The following RBM33 variants were observed in gnomAD, a reference collection of about 807,000 sequenced individuals.
The protein encoded by RBM33 is RNA binding motif protein 33.
Under a neutral mutation model 132.6 loss-of-function variants are expected in RBM33, and 28 were observed. The ratio of observed to expected loss-of-function variants is 0.21; its 90% CI spans 0.16 to 0.29. The LOEUF (loss-of-function observed/expected upper bound fraction) is 0.29. Among genes scored for constraint, RBM33 ranks in the 10% least tolerant of loss-of-function variants. The probability of loss-of-function intolerance (pLI) is 1.00; values close to 1 mark genes in which losing one functional copy is unlikely to be tolerated. For synonymous variants in RBM33, 634 were observed against 593.0 expected (o/e 1.07, Z -1.01); for missense variants, 1,291 against 1,518.5 (o/e 0.85, Z 2.49).
chr7:155,725,921 A>G (rs561605870), intron 9 of RBM33, among the ~76,000 whole-genome samples: 6 of 152,204 alleles, frequency 3.9e-5, no homozygotes, highest in Non-Finnish European at 8.8e-5. Context: ...GAAGGTGAAT[A>G]TAGGTATTTA....
In RBM33 at chr7:155,659,637, C is replaced by T. The variant is rs150764023; in HGVS notation, c.44-5538C>T. Reference sequence around the variant, plus strand: ...TACTTATATACACATAGGAGACCCACGAGAGCAAGAAATTGACAGAAAAAA... The same window carrying T: ...TACTTATATACACATAGGAGACCCATGAGAGCAAGAAATTGACAGAAAAAA... On this transcript the variant is annotated intron_variant, in intron 1 of 17. Coordinates refer to ENST00000401878, the MANE Select transcript of RBM33 (RefSeq NM_053043.3). Among the ~76,000 whole-genome samples, 11 of 152,002 alleles carry T rather than the reference C, an allele frequency of 7.2e-5. No homozygotes were observed. In the East Asian group the frequency reaches 7.7e-4, roughly 11 times the overall value.
At chr7:155,645,100 T>C (rs2116854409) in intron 1 of RBM33, 181 bp downstream of exon 1, 1 of 515,532 alleles carries the variant, frequency 1.9e-6, no homozygotes, top group South Asian at 2.5e-5. Flanking sequence ...CCTTTCTCGC[T>C]CCTCCTCTCC....
Position 155,774,742 on chromosome 7 carries a change from C to T in RBM33, c.3464+95C>T, listed in dbSNP as rs966759131. 2 of 1,040,664 alleles carry T rather than the reference C, an allele frequency of 1.9e-6. No individual in the cohort carries two copies. The highest frequency in any genetic ancestry group is 3.0e-6 in the Non-Finnish European group (2 of 661,936). 64.5% of individuals were successfully genotyped at this position (1,040,664 alleles called of 1,614,324 possible). A position where few individuals can be genotyped will look rare whatever the true frequency, so the allele number is the denominator to read the frequency against. On this transcript the variant is annotated intron_variant, in intron 17 of 17. Transcript: ENST00000401878. The surrounding 1 kb of genome is among the most constrained non-coding windows in gnomAD (Gnocchi z 4.2). Reference sequence around the variant, plus strand: ...ATCCATCATGGTAGCAAGCGTGTGTCCCCACCTGTTCCTGTAGAAGGACAC... The same window carrying T: ...ATCCATCATGGTAGCAAGCGTGTGTTCCCACCTGTTCCTGTAGAAGGACAC...
At chr7:155,698,736 C>T (rs1185453429) in intron 5 of RBM33, among the ~76,000 whole-genome samples, 2 of 152,184 alleles carry the variant, frequency 1.3e-5, no homozygotes, top group South Asian at 4.1e-4. Context: ...TAATTTTGTT[C>T]CTTGGAGAAT....
intron 1 of RBM33, among the ~76,000 whole-genome samples, chr7:155,653,747 TTA>T (rs1259496756): frequency 1.3e-5 from 2 of 152,208 alleles, no homozygotes; most frequent in Non-Finnish European, 2.9e-5. Flanking sequence ...TTTGTATCCT[TTA>T]TAATAAACTG....
intron 2 of RBM33, among the ~76,000 whole-genome samples, chr7:155,668,227 G>A (rs1798852532): frequency 6.6e-6 from 1 of 152,130 alleles, no homozygotes; most frequent in African/African-American, 2.4e-5. Flanking sequence ...ACACAGTGTG[G>A]ATATGTGTCT....
rs146953709 is a variant in RBM33, at chr7:155,774,027, G to A, written c.3376-532G>A. Among the ~76,000 whole-genome samples, 8 of 152,308 alleles carry A rather than the reference G, an allele frequency of 5.3e-5. No homozygotes were observed. The highest frequency in any genetic ancestry group is 1.0e-4 in the Non-Finnish European group (7 of 68,028). On this transcript the variant is annotated intron_variant, in intron 16 of 17. Coordinates refer to ENST00000401878, the MANE Select transcript of RBM33 (RefSeq NM_053043.3). This position sits in a 1 kb window ranked among gnomAD's most constrained non-coding sequence, Gnocchi z 4.2. ...CTCTTAAAGTACAAAATGTGACCACGTTATGCTGATGTCTGCCCCAGGCAC... is the reference window on the plus strand; with the variant it reads ...CTCTTAAAGTACAAAATGTGACCACATTATGCTGATGTCTGCCCCAGGCAC...
chr7:155,741,842 C>T lies in RBM33; in HGVS notation c.2073C>T (p.Ser691=). The change falls in exon 13 of 18, where the codon AGC becomes AGT. Residue 691 remains serine (S), a synonymous_variant. Transcript: ENST00000401878. ...LRHNTTSQNV[S]KRPMQQMQPT... ...AGAATACAACTTCTCAGAATGTAAG[C>T]AAGCGGCCCATGCAGCAAATGCAGC... 6.2e-7 allele frequency: 1 copy of T among 1,612,638 alleles called. No individual in the cohort carries two copies. Among genetic ancestry groups the T allele is most frequent in the Non-Finnish European group, 8.5e-7 (1 of 1,178,664 alleles).
intron 1 of RBM33, among the ~76,000 whole-genome samples, chr7:155,660,765 T>C (rs1471305223): frequency 1.3e-5 from 2 of 152,226 alleles, no homozygotes; most frequent in East Asian, 3.8e-4. Flanking sequence ...TCTGGATGTA[T>C]AGATAAATAT....
intron 7 of RBM33, among the ~76,000 whole-genome samples, chr7:155,708,327 TTG>T (rs1232971052): frequency 6.6e-6 from 1 of 152,198 alleles, no homozygotes; most frequent in Non-Finnish European, 1.5e-5. Context: ...GATTTACAGT[TTG>T]TCTTTTTTCC....
chr7:155,744,412 A>T (rs1389574015), intron 13 of RBM33, among the ~76,000 whole-genome samples: 1 of 152,234 alleles, frequency 6.6e-6, no homozygotes, highest in African/African-American at 2.4e-5. Flanking sequence ...GCAATCGGCA[A>T]CATTTTGATT....
intron 9 of RBM33, among the ~76,000 whole-genome samples, chr7:155,737,245 CGTGTGT>C (rs1554481863): frequency 2.7e-5 from 4 of 149,154 alleles, no homozygotes; most frequent in African/African-American, 4.9e-5. Context: ...TCTAGGTGCG[CGTGTGT>C]GTGTGTGTGT....
At chr7:155,760,975 G>T (rs1189689736) in intron 14 of RBM33, among the ~76,000 whole-genome samples, 1 of 152,234 alleles carries the variant, frequency 6.6e-6, no homozygotes, top group Non-Finnish European at 1.5e-5. Flanking sequence ...AAGATCGCAC[G>T]TTTCAGGCGA....
At chr7:155,678,821 C>T (rs1221548803) in intron 4 of RBM33, 137 bp downstream of exon 4, 2 of 571,796 alleles carry the variant, frequency 3.5e-6, no homozygotes, top group Non-Finnish European at 3.1e-6. Context: ...AAATGGAATA[C>T]TAGTAATAAC....
chr7:155,727,840 G>T (rs1481947627), intron 9 of RBM33, among the ~76,000 whole-genome samples: 2 of 152,290 alleles, frequency 1.3e-5, no homozygotes, highest in African/African-American at 2.4e-5. Flanking sequence ...ATCGCAGCTC[G>T]CTGCAGGCCC....
chr7:155,756,852 G>A (rs1801868203), intron 14 of RBM33, among the ~76,000 whole-genome samples: 1 of 152,132 alleles, frequency 6.6e-6, no homozygotes, highest in South Asian at 2.1e-4. Context: ...TGGTATCTGG[G>A]TAGTATCAAA....
chr7:155,744,921 C>G (rs1395652716), intron 13 of RBM33, 40 bp from the exon 14 acceptor site: 3 of 1,509,320 alleles, frequency 2.0e-6, no homozygotes, highest in Non-Finnish European at 2.7e-6. Context: ...GGGCACCTTG[C>G]CTGTATAGCA....
chr7:155,765,012 T>C (rs11771062), intron 15 of RBM33, among the ~76,000 whole-genome samples: 37,266 of 152,104 alleles, frequency 0.25, 4,883 homozygotes, highest in African/African-American at 0.34. Flanking sequence ...AAGATCGCTG[T>C]GGTCTGAATT....
At chr7:155,699,203 G>T (rs1357600905) in intron 5 of RBM33, among the ~76,000 whole-genome samples, 1 of 152,168 alleles carries the variant, frequency 6.6e-6, no homozygotes, top group East Asian at 1.9e-4. Context: ...TGCTTTGTTG[G>T]TAGTGATTTC....
Sources: gnomAD v4.1 joint callset for allele counts (sites outside exome capture counted in the v4.1 genomes callset) on GRCh38, gnomAD v4.1.1 for gene constraint, Gnocchi (gnomAD v3.1) non-coding constraint, MANE v1.5 for transcripts, NCBI Gene and HGNC (gene_info 2026-07-23, HGNC 2026-07-21) for gene names.